The following DHRS4L2 variants were observed in gnomAD, a reference collection of about 807,000 sequenced individuals.
The protein encoded by DHRS4L2 is dehydrogenase/reductase SDR family member 4-like 2.
Under a neutral mutation model 23.9 loss-of-function variants are expected in DHRS4L2, and 22 were observed. The observed-to-expected ratio is 0.92, with a 90% CI of 0.66 to 1.31. The LOEUF (loss-of-function observed/expected upper bound fraction) is 1.31, where lower values mean the gene tolerates loss of function less well. DHRS4L2 is among the 40% of genes most tolerant of loss of function. The pLI is 0.00. For missense variants in DHRS4L2, 385 were observed against 303.3 expected (o/e 1.27, Z -2.00); for synonymous variants, 141 against 123.7 (o/e 1.14, Z -0.93).
chr14:23,988,796 G>A (rs1233387429), upstream of DHRS4L2: 2 of 1,401,268 alleles, frequency 1.4e-6, no homozygotes, highest in Non-Finnish European at 1.9e-6. Flanking sequence ...ACTGGCGGGC[G>A]GCGGGAGGCG....
At position 23,995,960 on chromosome 14, in the gene DHRS4L2, C is replaced by T. The variant is rs938236823; in HGVS notation, c.408+827C>T. The stretch of plus-strand genomic sequence containing the variant: ...AAGAAAAGAAGTGTGTTTTGGCTTA[C>T]GATACTGCAGACTGTACAAGAAGCA... On this transcript the variant is annotated intron_variant, in intron 3 of 7. Coordinates refer to ENST00000335125, the MANE Select transcript of DHRS4L2 (RefSeq NM_198083.4). Among the ~76,000 whole-genome samples the T allele has an allele frequency of 1.3e-4, 20 of 151,738 alleles. 1 individual carries two copies. Among genetic ancestry groups the T allele is most frequent in the Admixed American group, 7.9e-4 (12 of 15,250 alleles).
intron 1 of DHRS4L2, among the ~76,000 whole-genome samples, chr14:23,971,266 A>T (rs1012994447): frequency 1.3e-5 from 2 of 152,086 alleles, no homozygotes; most frequent in Admixed American, 1.3e-4. Context: ...AAAAGGTTAA[A>T]CGAATGGCTA....
chr14:23,988,795 C>T (rs1048498811), upstream of DHRS4L2: 20 of 1,400,208 alleles, frequency 1.4e-5, no homozygotes, highest in African/African-American at 2.9e-5. Flanking sequence ...GACTGGCGGG[C>T]GGCGGGAGGC....
At chr14:23,972,485 A>G (rs2033880131) in intron 1 of DHRS4L2, among the ~76,000 whole-genome samples, 1 of 151,958 alleles carries the variant, frequency 6.6e-6, no homozygotes, top group South Asian at 2.1e-4. Context: ...GGACCCAAAG[A>G]GTGAGCAGCA....
chr14:24,004,269 TAAAAAA>T, intron 6 of DHRS4L2, 62 bp from the exon 7 acceptor site: 10 of 1,330,272 alleles, frequency 7.5e-6, no homozygotes, highest in Admixed American at 3.6e-5. Flanking sequence ...ACTCCGTCTC[TAAAAAA>T]AAAAAAAAAA....
intron 1 of DHRS4L2, among the ~76,000 whole-genome samples, chr14:23,977,403 T>G (rs921388090): frequency 2.0e-5 from 3 of 151,740 alleles, no homozygotes; most frequent in African/African-American, 7.3e-5. Flanking sequence ...GTTCTGCAAG[T>G]TGGCCACTGC....
At chr14:23,977,065 G>T (rs2033981138) in intron 1 of DHRS4L2, among the ~76,000 whole-genome samples, 1 of 151,726 alleles carries the variant, frequency 6.6e-6, no homozygotes, top group South Asian at 2.1e-4. Context: ...TAAAAAACCT[G>T]CACGTTGTGC....
At chr14:24,000,677 G>A (rs2034467876) in intron 3 of DHRS4L2, among the ~76,000 whole-genome samples, 186 bp from the exon 4 acceptor site, 1 of 151,838 alleles carries the variant, frequency 6.6e-6, no homozygotes, top group Non-Finnish European at 1.5e-5. Context: ...TTATCTAGCT[G>A]AGCAGCTGGT....
upstream of DHRS4L2, among the ~76,000 whole-genome samples, chr14:23,986,855 A>T (rs570223441): frequency 1.3e-5 from 2 of 151,568 alleles, no homozygotes; most frequent in Non-Finnish European, 1.5e-5. Flanking sequence ...CCCACAGTGC[A>T]TGAGCTCCAA....
upstream of DHRS4L2, among the ~76,000 whole-genome samples, chr14:23,987,610 A>T (rs1387010802): frequency 3.3e-5 from 5 of 151,688 alleles, no homozygotes; most frequent in Admixed American, 6.6e-5. Flanking sequence ...CCAATAACAC[A>T]TCTCTAAACC....
intron 7 of DHRS4L2, among the ~76,000 whole-genome samples, chr14:24,005,321 TACTC>T (rs1299097822): frequency 1.1e-4 from 17 of 148,246 alleles, no homozygotes; most frequent in African/African-American, 2.0e-4. Flanking sequence ...AGGTTTGAGT[TACTC>T]ACTCTGCCCA....
At chr14:23,992,720 C>A (rs761823966) in intron 2 of DHRS4L2, among the ~76,000 whole-genome samples, 7 of 150,992 alleles carry the variant, frequency 4.6e-5, no homozygotes, top group Non-Finnish European at 8.8e-5. Flanking sequence ...GTGCCTCATT[C>A]TGTTGCCCAG....
chr14:23,983,896 G>T (rs192020593), upstream of DHRS4L2, among the ~76,000 whole-genome samples: 2 of 151,620 alleles, frequency 1.3e-5, no homozygotes, highest in Admixed American at 6.6e-5. Context: ...ATAGGGGGCT[G>T]GGGAAGGGAT....
upstream of DHRS4L2, among the ~76,000 whole-genome samples, chr14:23,987,078 G>A (rs1024944895): frequency 1.3e-5 from 2 of 151,546 alleles, no homozygotes; most frequent in African/African-American, 4.8e-5. Context: ...TCCAGTGCAG[G>A]CCTGTTCTAT....
chr14:23,991,321 C>A (rs1343864540), intron 2 of DHRS4L2, among the ~76,000 whole-genome samples: 1 of 151,676 alleles, frequency 6.6e-6, no homozygotes, highest in East Asian at 1.9e-4. Flanking sequence ...AAATGTGAGT[C>A]CAAAAAAGCT....
chr14:23,987,627 T>C (rs2034178339), upstream of DHRS4L2, among the ~76,000 whole-genome samples: 1 of 151,636 alleles, frequency 6.6e-6, no homozygotes, highest in Non-Finnish European at 1.5e-5. Flanking sequence ...AACCTACCCA[T>C]CTGCTTTCAT....
chr14:23,985,089 C>T (rs1027512360), upstream of DHRS4L2, among the ~76,000 whole-genome samples: 4 of 151,404 alleles, frequency 2.6e-5, no homozygotes, highest in Admixed American at 1.3e-4. Context: ...AGTAGATAAC[C>T]TCAAGGAGCA....
At chr14:23,985,361 T>G (rs182058564), upstream of DHRS4L2, among the ~76,000 whole-genome samples, 274 of 151,782 alleles carry the variant, frequency 1.8e-3, 6 homozygotes, top group Non-Finnish European at 2.0e-3. Context: ...ATAAATGCTG[T>G]TAACACTCTT....
intron 1 of DHRS4L2, among the ~76,000 whole-genome samples, chr14:23,983,505 A>G (rs370053988): frequency 1.3e-5 from 2 of 151,790 alleles, no homozygotes; most frequent in Admixed American, 1.3e-4. Context: ...CTGAAACACC[A>G]TTTGACCCAG....
Sources: gnomAD v4.1 joint callset for allele counts (sites outside exome capture counted in the v4.1 genomes callset) on GRCh38, gnomAD v4.1.1 for gene constraint, MANE v1.5 for transcripts, NCBI Gene and HGNC (gene_info 2026-07-23, HGNC 2026-07-21) for gene names.